HADHB: variants seen among roughly 807,000 people sequenced by gnomAD.
HADHB encodes trifunctional enzyme subunit beta, mitochondrial.
In HADHB, 50 loss-of-function variants were observed where a neutral mutation model predicts 61.9. The ratio of observed to expected loss-of-function variants is 0.81; its 90% CI spans 0.64 to 1.02. The LOEUF (loss-of-function observed/expected upper bound fraction) is 1.02. Ranked by LOEUF, HADHB falls within the 50% of genes least tolerant of loss-of-function variation. HADHB has a pLI of 0.00. For missense variants in HADHB, 504 were observed against 586.5 expected (o/e 0.86, Z 1.45); for synonymous variants, 191 against 201.6 (o/e 0.95, Z 0.45).
chr2:26,246,953 CGT>C (rs890340801), intron 1 of HADHB, among the ~76,000 whole-genome samples: 2 of 152,062 alleles, frequency 1.3e-5, no homozygotes, highest in African/African-American at 4.8e-5. Flanking sequence ...GGTGTGCGTG[CGT>C]GTGTGTGTGT....
At chr2:26,271,173 G>A (rs1223479735) in intron 5 of HADHB, among the ~76,000 whole-genome samples, 7 of 150,350 alleles carry the variant, frequency 4.7e-5, no homozygotes, top group Admixed American at 1.3e-4. Flanking sequence ...GGGCTTACAG[G>A]TGTGAGCCAC....
At chr2:26,247,943 A>G (rs1671230444) in intron 1 of HADHB, among the ~76,000 whole-genome samples, 1 of 152,254 alleles carries the variant, frequency 6.6e-6, no homozygotes, top group African/African-American at 2.4e-5. Flanking sequence ...AGAATTATGC[A>G]TAAGTAAAAT....
intron 4 of HADHB, among the ~76,000 whole-genome samples, chr2:26,265,954 G>A (rs564416118): frequency 6.6e-6 from 1 of 152,042 alleles, no homozygotes; most frequent in South Asian, 2.1e-4. Flanking sequence ...TAATTCCAGC[G>A]CTTTGGGAGG....
chr2:26,263,274 G>A, intron 3 of HADHB, 106 bp from the exon 4 acceptor site: 1 of 670,416 alleles, frequency 1.5e-6, no homozygotes, highest in South Asian at 1.6e-5. Context: ...ACTCCAGCCT[G>A]GGTGACAGAG....
intron 1 of HADHB, among the ~76,000 whole-genome samples, chr2:26,252,173 C>G (rs1671425786): frequency 1.3e-5 from 2 of 152,338 alleles, no homozygotes; most frequent in African/African-American, 4.8e-5. Context: ...ACGACAGATG[C>G]TGCAGTATCT....
rs1404307409 is a variant in HADHB, at chr2:26,267,317, G to A, written c.210-2636G>A. Reference sequence around the variant, plus strand: ...AGGATGAGCAAGGAGAACTTGTAGTGCCGGAAAGCAAAGAAGTACTTAAAA... The same window carrying A: ...AGGATGAGCAAGGAGAACTTGTAGTACCGGAAAGCAAAGAAGTACTTAAAA... On this transcript the variant is annotated intron_variant, in intron 4 of 15. Coordinates refer to ENST00000317799, the MANE Select transcript of HADHB (RefSeq NM_000183.3). 5.3e-5 allele frequency among the ~76,000 whole-genome samples: 8 copies of A among 152,216 alleles called. No individual in the cohort carries two copies. In the East Asian group the frequency reaches 1.5e-3, roughly 29 times the overall value.
At chr2:26,288,100 C>A (rs1175819960) in intron 15 of HADHB, among the ~76,000 whole-genome samples, 1 of 151,992 alleles carries the variant, frequency 6.6e-6, no homozygotes, top group African/African-American at 2.4e-5. Context: ...AACCTCGTCT[C>A]TACCAAAAAT....
chr2:26,254,323 G>C lies in HADHB; in HGVS notation c.64+5G>C. 2 of 1,545,124 alleles carry C rather than the reference G, an allele frequency of 1.3e-6. No individual in the cohort carries two copies. The highest frequency in any genetic ancestry group is 1.8e-6 in the Non-Finnish European group (2 of 1,117,664). On this transcript the variant is annotated splice_donor_5th_base_variant and intron_variant, in intron 2 of 15. Coordinates refer to ENST00000317799, the MANE Select transcript of HADHB (RefSeq NM_000183.3). ...CAAAATGGGCCCTCAGATTTTGTAAGTTTATTATTATTTTTTTATTTTTAG... is the reference window on the plus strand; with the variant it reads ...CAAAATGGGCCCTCAGATTTTGTAACTTTATTATTATTTTTTTATTTTTAG...
At chr2:26,271,883 G>A (rs530689268) in intron 5 of HADHB, among the ~76,000 whole-genome samples, 2 of 152,164 alleles carry the variant, frequency 1.3e-5, no homozygotes, top group South Asian at 2.1e-4. Flanking sequence ...CAGGGCAATC[G>A]AGCAAGACTT....
chr2:26,265,235 G>A (rs1292451967), intron 4 of HADHB, among the ~76,000 whole-genome samples: 1 of 152,118 alleles, frequency 6.6e-6, no homozygotes, highest in Non-Finnish European at 1.5e-5. Flanking sequence ...TCTTGGCTAG[G>A]AAGACTTTTT....
intron 1 of HADHB, among the ~76,000 whole-genome samples, chr2:26,251,760 T>C (rs1671407779): frequency 6.6e-6 from 1 of 152,224 alleles, no homozygotes; most frequent in Admixed American, 6.5e-5. Flanking sequence ...GAACATGTTT[T>C]GTTTTTTTCT....
intron 4 of HADHB, among the ~76,000 whole-genome samples, chr2:26,263,850 A>G (rs1457712924): frequency 6.6e-6 from 1 of 152,138 alleles, no homozygotes; most frequent in Non-Finnish European, 1.5e-5. Flanking sequence ...TGAAGGGCCT[A>G]TATAATCCAC....
chr2:26,281,575 T>C (rs1014444365), intron 10 of HADHB, among the ~76,000 whole-genome samples: 1 of 152,210 alleles, frequency 6.6e-6, no homozygotes, highest in Admixed American at 6.5e-5. Flanking sequence ...CAGGGTATGC[T>C]AAAGGTCCAG....
Position 26,279,193 on chromosome 2 carries a change from T to C in HADHB, c.689T>C (p.Leu230Pro). 1 of 1,614,046 alleles carries C rather than the reference T, an allele frequency of 6.2e-7. No homozygotes were observed. The highest frequency in any genetic ancestry group is 8.5e-7 in the Non-Finnish European group (1 of 1,179,920). ...SETMGHSADR[L>P]AAAFAVSRLE... ...ACCATGGGCCACTCTGCAGACCGACTGGCCGCTGCCTTTGCTGTTTCTCGG... is the reference window on the plus strand; with the variant it reads ...ACCATGGGCCACTCTGCAGACCGACCGGCCGCTGCCTTTGCTGTTTCTCGG... The change falls in exon 9 of 16, where the codon CTG (leucine) becomes CCG (proline). Residue 230 changes from leucine to proline, a missense_variant. By Grantham distance (98) the Leu-to-Pro change is moderately conservative. Transcript: ENST00000317799.
intron 6 of HADHB, among the ~76,000 whole-genome samples, chr2:26,276,352 T>C (rs1442155145): frequency 6.6e-6 from 1 of 152,220 alleles, no homozygotes; most frequent in Non-Finnish European, 1.5e-5. Context: ...GTCTGACCCT[T>C]ATTTGTTCAC....
intron 3 of HADHB, among the ~76,000 whole-genome samples, chr2:26,257,778 G>A (rs1029891026): frequency 5.3e-5 from 8 of 152,226 alleles, no homozygotes; most frequent in African/African-American, 1.9e-4. Context: ...CCAGCACTTT[G>A]GGAGGCTGAG....
chr2:26,267,617 C>G (rs1034056713), intron 4 of HADHB, among the ~76,000 whole-genome samples: 2 of 150,566 alleles, frequency 1.3e-5, no homozygotes, highest in Non-Finnish European at 3.0e-5. Flanking sequence ...ACTAAAAATA[C>G]AAAAATTAGC....
chr2:26,255,763 T>C (rs1380163341), intron 3 of HADHB, among the ~76,000 whole-genome samples: 1 of 152,252 alleles, frequency 6.6e-6, no homozygotes, highest in East Asian at 1.9e-4. Context: ...TTTTCTATTA[T>C]TGCCTAATCC....
intron 3 of HADHB, among the ~76,000 whole-genome samples, chr2:26,255,511 A>AAAAG (rs1301644964): frequency 1.3e-5 from 2 of 151,594 alleles, no homozygotes; most frequent in South Asian, 4.1e-4. Context: ...AAAAAAAAAA[A>AAAAG]AAAGAAAGAA....
Sources: allele counts gnomAD v4.1 joint callset (sites outside exome capture counted in the v4.1 genomes callset), GRCh38; gene constraint gnomAD v4.1.1; transcripts MANE v1.5; gene names NCBI Gene and HGNC (gene_info 2026-07-23, HGNC 2026-07-21).